Variants in SLC4A9 observed in about 807,000 individuals in gnomAD.
SLC4A9 encodes the protein solute carrier family 4 member 9.
In SLC4A9, 102 loss-of-function variants were observed where a neutral mutation model predicts 103.2. The ratio of observed to expected loss-of-function variants is 0.99; its 90% CI spans 0.84 to 1.17. SLC4A9 has a LOEUF of 1.17. SLC4A9 is among the 50% of genes most tolerant of loss of function. The pLI is 0.00. For missense variants in SLC4A9, 1,091 were observed against 1,193.7 expected, an observed-to-expected ratio of 0.91 and a Z score of 1.27; for synonymous variants, 453 against 483.6, an observed-to-expected ratio of 0.94 and a Z score of 0.83.
intron 19 of SLC4A9, 83 bp downstream of exon 19, chr5:140,371,707 AG>A: frequency 2.7e-6 from 4 of 1,465,084 alleles, no homozygotes; most frequent in Non-Finnish European, 3.7e-6. Context: ...CCTCCACGAG[AG>A]GAAGAATCTC....
chr5:140,368,453 C>G, intron 16 of SLC4A9, 134 bp from the exon 17 acceptor site: 1 of 643,630 alleles, frequency 1.6e-6, no homozygotes, highest in Non-Finnish European at 2.6e-6. Context: ...GCTCATCCCT[C>G]TGGGTGACCT....
chr5:140,361,071 C>T, intron 2 of SLC4A9, 99 bp downstream of exon 2: 1 of 1,294,628 alleles, frequency 7.7e-7, no homozygotes, highest in Non-Finnish European at 1.1e-6. Context: ...CCATCCCTAC[C>T]CCTCCTAGGA....
intron 21 of SLC4A9, among the ~76,000 whole-genome samples, chr5:140,373,423 A>G (rs1345853564): frequency 1.3e-5 from 2 of 152,136 alleles, no homozygotes; most frequent in Admixed American, 1.3e-4. Flanking sequence ...AGACAAATAA[A>G]CAGACAATTG....
chr5:140,361,788 T>C lies in SLC4A9; in HGVS notation c.506-20T>C. On this transcript the variant is annotated intron_variant, in intron 3 of 21. Coordinates refer to ENST00000506757, the MANE Select transcript of SLC4A9 (RefSeq NM_031467.3). ...CCCCAAAGCCTGTGGTCTTAATCAC[T>C]GCATAATCCTGTTTTGTAGGCTCTA... 2 of 1,613,932 alleles carry C rather than the reference T, an allele frequency of 1.2e-6. No individual in the cohort carries two copies. Among genetic ancestry groups the C allele is most frequent in the Non-Finnish European group, 1.7e-6 (2 of 1,179,810 alleles).
chr5:140,366,960 T>G (rs1767979725), intron 14 of SLC4A9, among the ~76,000 whole-genome samples: 1 of 152,170 alleles, frequency 6.6e-6, no homozygotes, highest in African/African-American at 2.4e-5. Flanking sequence ...CAGGGAGGAA[T>G]CCAGCTGGGG....
Position 140,365,373 on chromosome 5 carries a change from G to A in SLC4A9, c.1652-147G>A, listed in dbSNP as rs78057110. The A allele has an allele frequency of 5.5e-4, 360 of 656,980 alleles. 3 individuals are homozygous for A. The highest frequency in any genetic ancestry group is 4.1e-3 in the African/African-American group (227 of 55,090). 40.7% of individuals were successfully genotyped at this position (656,980 alleles called of 1,614,324 possible). A position where few individuals can be genotyped will look rare whatever the true frequency, so the allele number is the denominator to read the frequency against. ...GGGGGCATGAGACAATGTCCTTCTC[G>A]CACACTTGGTAGTGATAGAGTCAGC... On this transcript the variant is annotated intron_variant, in intron 11 of 21. Transcript: ENST00000506757.
Position 140,372,297 on chromosome 5 carries a change from A to T in SLC4A9, c.2726A>T (p.Glu909Val), listed in dbSNP as rs2126799480. 6.2e-7 allele frequency: 1 copy of T among 1,604,618 alleles called. No homozygotes were observed. The highest frequency in any genetic ancestry group is 1.3e-5 in the African/African-American group (1 of 74,414). The change falls in exon 20 of 22, where the codon GAA becomes GTA. Residue 909 changes from glutamate to valine, a missense_variant. Glu to Val is a moderately radical substitution (Grantham distance 121). Transcript: ENST00000506757. ...CTGGAGAGGGTCTTCTCACCACAGG[A>T]ACTCCTCTGGCTGGATGAGCTGATG... is the stretch of plus-strand genomic sequence containing the variant. ...KALERVFSPQELLWLDELMPE... is the reference protein window; with the variant it reads ...KALERVFSPQVLLWLDELMPE...
chr5:140,361,307 G>T lies in SLC4A9; in HGVS notation c.445G>T (p.Ala149Ser). Residue 149 changes from alanine to serine, a missense_variant, in exon 3 of 22, where the codon GCC (alanine) becomes TCC (serine). Coordinates refer to ENST00000506757, the MANE Select transcript of SLC4A9 (RefSeq NM_031467.3). ...LSPELRGQLQ[A>S]LLLQRPQHYN... ...CCCAGAGCTGAGAGGGCAGTTGCAG[G>T]CCTTGCTGCTGCAGAGACCCCAGCA... The T allele has an allele frequency of 6.4e-7, 1 of 1,571,342 alleles. No individual in the cohort carries two copies. The highest frequency in any genetic ancestry group is 8.6e-7 in the Non-Finnish European group (1 of 1,158,174).
In SLC4A9 at chr5:140,363,310, G is replaced by T. The variant is rs2126752196; in HGVS notation, c.963-129G>T. The T allele has an allele frequency of 1.0e-6, 1 of 967,122 alleles. No homozygotes were observed. The highest frequency in any genetic ancestry group is 1.6e-5 in the African/African-American group (1 of 60,716). 59.9% of individuals were successfully genotyped at this position (967,122 alleles called of 1,614,324 possible). ...ATGACCTGGACCTTCTAGAGGCCCA[G>T]GTGTCGCCATGGTTCCCTCGCCGGC... On this transcript the variant is annotated intron_variant, in intron 7 of 21. Coordinates refer to ENST00000506757, the MANE Select transcript of SLC4A9 (RefSeq NM_031467.3). The surrounding 1 kb of genome is among the most constrained non-coding windows in gnomAD (Gnocchi z 4.5).
At chr5:140,368,320 TA>T (rs1768199777) in intron 16 of SLC4A9, among the ~76,000 whole-genome samples, 1 of 152,248 alleles carries the variant, frequency 6.6e-6, no homozygotes, top group South Asian at 2.1e-4. Flanking sequence ...TAAACATTGC[TA>T]ATTTTCCATC....
In SLC4A9 at chr5:140,367,705, C is replaced by T. The variant is rs369685498; in HGVS notation, c.2176-15C>T. ...GGGCTAGCTTCATCCTCATTGCCCCCACCACTACCTGCAGAAGGGAGCTGG... is the reference window on the plus strand; with the variant it reads ...GGGCTAGCTTCATCCTCATTGCCCCTACCACTACCTGCAGAAGGGAGCTGG... On this transcript the variant is annotated splice_polypyrimidine_tract_variant and intron_variant, in intron 15 of 21. Coordinates refer to ENST00000506757, the MANE Select transcript of SLC4A9 (RefSeq NM_031467.3). The T allele has an allele frequency of 2.4e-5, 39 of 1,613,450 alleles. No individual in the cohort carries two copies. The highest frequency in any genetic ancestry group is 3.3e-5 in the South Asian group (3 of 91,066).
Position 140,367,338 on chromosome 5 carries a change from G to A in SLC4A9, c.2014-82G>A. 2.0e-6 allele frequency: 3 copies of A among 1,499,632 alleles called. No individual in the cohort carries two copies. In the Admixed American group the frequency reaches 6.1e-5, roughly 30 times the overall value. 92.9% of individuals were successfully genotyped at this position (1,499,632 alleles called of 1,614,324 possible). A position where few individuals can be genotyped will look rare whatever the true frequency, so the allele number is the denominator to read the frequency against. Reference sequence around the variant, plus strand: ...TGACTTGGGGTGGGGGCAGGTTGTGGAAGAATGCCAAGGTTGAGATGTGCA... The same window carrying A: ...TGACTTGGGGTGGGGGCAGGTTGTGAAAGAATGCCAAGGTTGAGATGTGCA... On this transcript the variant is annotated intron_variant, in intron 14 of 21. Coordinates refer to ENST00000506757, the MANE Select transcript of SLC4A9 (RefSeq NM_031467.3).
chr5:140,360,991 C>A lies in SLC4A9; in HGVS notation c.391+19C>A. On this transcript the variant is annotated intron_variant, in intron 2 of 21. Coordinates refer to ENST00000506757, the MANE Select transcript of SLC4A9 (RefSeq NM_031467.3). ...CTCGTGGGTAGGCTGGGATCCTTTG[C>A]AGGAAGGGCCTGGGTAGCCATGCCT... 1 of 1,547,106 alleles carries A rather than the reference C, an allele frequency of 6.5e-7. No individual in the cohort carries two copies.
chr5:140,366,345 C>T lies in SLC4A9; in HGVS notation c.2013+81C>T, dbSNP rs1208382943. ...CATGGGGAAGGAAAATGAATAAATCCCACACTTCTCTAAGCTTCTTTCTTC... is the reference window on the plus strand; with the variant it reads ...CATGGGGAAGGAAAATGAATAAATCTCACACTTCTCTAAGCTTCTTTCTTC... On this transcript the variant is annotated intron_variant, in intron 14 of 21. Transcript: ENST00000506757. 5 of 921,692 alleles carry T rather than the reference C, an allele frequency of 5.4e-6. No individual in the cohort carries two copies. In the African/African-American group the frequency reaches 8.4e-5, roughly 15 times the overall value. 57.1% of individuals were successfully genotyped at this position (921,692 alleles called of 1,614,324 possible).
rs750972626 is a variant in SLC4A9 at position 140,364,051 on chromosome 5, C to T, written c.1255-3C>T. The T allele has an allele frequency of 3.9e-6, 6 of 1,532,522 alleles. No individual in the cohort carries two copies. In the East Asian group the frequency reaches 6.9e-5, roughly 17 times the overall value. The allele number at this position is 1,532,522 out of a possible 1,614,324, so 94.9% of individuals were successfully genotyped here. On this transcript the variant is annotated splice_polypyrimidine_tract_variant and splice_region_variant and intron_variant, in intron 9 of 21. Coordinates refer to ENST00000506757, the MANE Select transcript of SLC4A9 (RefSeq NM_031467.3). ...CCTGTGCTGAGCCCCTGTTGGCTTC[C>T]AGGGAGTGCTGGAAAGTTTCCTGGG...
chr5:140,367,593 T>G lies in SLC4A9; in HGVS notation c.2175+12T>G, dbSNP rs757698811. ...AATACAGACTGCAGGTAAGGCCTGC[T>G]GGGTAAGGCCCAAGACCAAGGGACA... On this transcript the variant is annotated intron_variant, in intron 15 of 21. Transcript: ENST00000506757. 8 of 1,601,584 alleles carry G rather than the reference T, an allele frequency of 5.0e-6. No homozygotes were observed. Among genetic ancestry groups the G allele is most frequent in the Non-Finnish European group, 6.0e-6 (7 of 1,173,986 alleles).
chr5:140,368,048 T>C (rs762894157), intron 16 of SLC4A9, 150 bp downstream of exon 16: 58 of 794,954 alleles, frequency 7.3e-5, no homozygotes, highest in Non-Finnish European at 1.1e-4. Flanking sequence ...GGCTCTGAGA[T>C]GGGTGAGTCA....
At position 140,363,885 on chromosome 5, in the gene SLC4A9, G is replaced by A; in HGVS notation, c.1237G>A (p.Ala413Thr). 1 of 1,613,844 alleles carries A rather than the reference G, an allele frequency of 6.2e-7. No homozygotes were observed. Among genetic ancestry groups the A allele is most frequent in the Non-Finnish European group, 8.5e-7 (1 of 1,179,828 alleles). The change falls in exon 9 of 22, where the codon GCC becomes ACC. Residue 413 changes from alanine (A) to threonine (T), a missense_variant. Coordinates refer to ENST00000506757, the MANE Select transcript of SLC4A9 (RefSeq NM_031467.3). The surrounding 1 kb of genome is among the most constrained non-coding windows in gnomAD (Gnocchi z 4.5). Reference sequence around the variant, plus strand: ...CACTTTTGGGGGTCTGCTGGGAGATGCCACTGATGGTGCCCAGGTGGGTAG... The same window carrying A: ...CACTTTTGGGGGTCTGCTGGGAGATACCACTGATGGTGCCCAGGTGGGTAG... Reference protein sequence around the residue: ...AITFGGLLGDATDGAQGVLES... With the variant: ...AITFGGLLGDTTDGAQGVLES...
chr5:140,361,402 C>G (rs1213789980), intron 3 of SLC4A9, 35 bp downstream of exon 3: 9 of 1,516,680 alleles, frequency 5.9e-6, no homozygotes, highest in East Asian at 2.5e-5. Context: ...GACCAAGACC[C>G]TGGTGTGGCA....
Sources: gnomAD v4.1 joint callset for allele counts (sites outside exome capture counted in the v4.1 genomes callset) on GRCh38, gnomAD v4.1.1 for gene constraint, Gnocchi (gnomAD v3.1) non-coding constraint, MANE v1.5 for transcripts, NCBI Gene and HGNC (gene_info 2026-07-23, HGNC 2026-07-21) for gene names.